THSD7B: variants seen among roughly 807,000 people sequenced by gnomAD.
The protein encoded by THSD7B is thrombospondin type-1 domain-containing protein 7B.
A neutral mutation model predicts 213.6 loss-of-function variants in THSD7B; 138 were observed. The ratio of observed to expected loss-of-function variants is 0.65; its 90% CI spans 0.56 to 0.74. THSD7B has a LOEUF of 0.74. Among genes scored for constraint, THSD7B ranks in the 30% least tolerant of loss-of-function variants. The pLI is 0.00. For synonymous variants in THSD7B, 742 were observed against 687.0 expected, an observed-to-expected ratio of 1.08 and a Z score of -1.25; for missense variants, 1,931 against 1,991.5, an observed-to-expected ratio of 0.97 and a Z score of 0.58.
chr2:137,092,056 C>T (rs1158934968), intron 3 of THSD7B, among the ~76,000 whole-genome samples: 3 of 152,086 alleles, frequency 2.0e-5, no homozygotes, highest in Non-Finnish European at 4.4e-5. Context: ...TTGAATTGAA[C>T]AGTAACAATG....
chr2:137,358,175 C>T (rs2104930521), intron 12 of THSD7B, among the ~76,000 whole-genome samples: 1 of 152,254 alleles, frequency 6.6e-6, no homozygotes, highest in Middle Eastern at 3.4e-3. Flanking sequence ...GAAGACTAGT[C>T]AGTTTTGTTT....
intron 2 of THSD7B, among the ~76,000 whole-genome samples, chr2:136,922,705 A>C (rs2105036369): frequency 6.6e-6 from 1 of 152,302 alleles, no homozygotes; most frequent in Admixed American, 6.5e-5. Flanking sequence ...ATTTCTCTAA[A>C]ATAAAACCCC....
intron 10 of THSD7B, among the ~76,000 whole-genome samples, chr2:137,270,356 T>G (rs1195343226): frequency 6.6e-6 from 1 of 152,080 alleles, no homozygotes; most frequent in Non-Finnish European, 1.5e-5. Context: ...AGAGGGAATC[T>G]AGGGGGAACA....
chr2:136,965,224 G>C (rs1181077834), intron 2 of THSD7B, among the ~76,000 whole-genome samples: 1 of 152,126 alleles, frequency 6.6e-6, no homozygotes, highest in African/African-American at 2.4e-5. Flanking sequence ...TTGGTTTTCA[G>C]AACATTCTCT....
chr2:137,668,656 TC>T (rs1321180809), intron 27 of THSD7B, among the ~76,000 whole-genome samples: 1 of 151,962 alleles, frequency 6.6e-6, no homozygotes, highest in Non-Finnish European at 1.5e-5. Context: ...AATTTATGAC[TC>T]CCCCAAAACC....
intron 15 of THSD7B, among the ~76,000 whole-genome samples, chr2:137,534,013 T>C (rs867097711): frequency 0.029 from 4,168 of 146,206 alleles, 101 homozygotes; most frequent in Admixed American, 0.075. Context: ...TGTGTGTGTG[T>C]GCGCGCACAC....
chr2:137,555,018 G>A (rs1210357167), intron 15 of THSD7B, among the ~76,000 whole-genome samples: 2 of 152,190 alleles, frequency 1.3e-5, no homozygotes, highest in Non-Finnish European at 2.9e-5. Context: ...CATTGTTGAG[G>A]CTTGAGTAGG....
At chr2:137,075,479 C>G (rs1379557820) in intron 3 of THSD7B, among the ~76,000 whole-genome samples, 2 of 152,098 alleles carry the variant, frequency 1.3e-5, no homozygotes, top group East Asian at 3.8e-4. Context: ...TTCTAGTTAT[C>G]CATTCATCTA....
chr2:136,798,944 C>T (rs545903065), intron 1 of THSD7B, among the ~76,000 whole-genome samples: 12 of 152,150 alleles, frequency 7.9e-5, no homozygotes, highest in African/African-American at 2.6e-4. Context: ...CCCAGAGATT[C>T]CCTTGCCAAT....
chr2:137,223,760 T>A (rs1681429960), intron 7 of THSD7B, among the ~76,000 whole-genome samples: 1 of 152,186 alleles, frequency 6.6e-6, no homozygotes, highest in Admixed American at 6.5e-5. Flanking sequence ...CCAAATCTCA[T>A]GTTGAATTGT....
At chr2:137,440,250 T>A (rs189078896) in intron 14 of THSD7B, among the ~76,000 whole-genome samples, 16 of 152,294 alleles carry the variant, frequency 1.1e-4, no homozygotes, top group African/African-American at 3.8e-4. Flanking sequence ...TTTTAAAGAC[T>A]GCCTTTTTCA....
chr2:137,514,639 C>T (rs186756714), intron 15 of THSD7B, among the ~76,000 whole-genome samples: 30 of 152,116 alleles, frequency 2.0e-4, no homozygotes, highest in Non-Finnish European at 3.4e-4. Flanking sequence ...AGACAAAGTT[C>T]TTTTGTTGAT....
chr2:137,640,408 T>C lies in THSD7B; in HGVS notation c.3800-2080T>C, dbSNP rs140930400. 1.7e-3 allele frequency among the ~76,000 whole-genome samples: 261 copies of C among 152,270 alleles called. 1 individual carries two copies. Among genetic ancestry groups the C allele is most frequent in the African/African-American group, 6.0e-3 (250 of 41,546 alleles). ...CTTGGGTGTGTCTTTATCAGCAGCA[T>C]GAAAATGAATTAATACAACCACCAT... On this transcript the variant is annotated intron_variant, in intron 20 of 27. Coordinates refer to ENST00000409968, the MANE Select transcript of THSD7B (RefSeq NM_001316349.2).
chr2:137,418,101 G>T (rs1231835143), intron 14 of THSD7B, among the ~76,000 whole-genome samples: 1 of 152,148 alleles, frequency 6.6e-6, no homozygotes, highest in Non-Finnish European at 1.5e-5. Context: ...ACTTTTGTTT[G>T]TTTTAACATG....
rs1681633874 is a variant in THSD7B at position 137,231,238 on chromosome 2, GAGTAACAGAAA to G, written c.1915+6_1915+16del. 2 of 1,599,836 alleles carry G rather than the reference GAGTAACAGAAA, an allele frequency of 1.3e-6. No individual in the cohort carries two copies. The highest frequency in any genetic ancestry group is 2.7e-5 in the African/African-American group (2 of 74,696). On this transcript the variant is annotated splice_donor_5th_base_variant and intron_variant, in intron 8 of 27. Coordinates refer to ENST00000409968, the MANE Select transcript of THSD7B (RefSeq NM_001316349.2). ...TATCCTGGCACTGGCTGGGGAAGGTGAGTAACAGAAAAGGTTTTCACTTTGGATTCATTAGC... is the reference window on the plus strand; with the variant it reads ...TATCCTGGCACTGGCTGGGGAAGGTGAGGTTTTCACTTTGGATTCATTAGC...
At chr2:137,109,537 T>G (rs1688310467) in intron 4 of THSD7B, among the ~76,000 whole-genome samples, 1 of 152,206 alleles carries the variant, frequency 6.6e-6, no homozygotes, top group Non-Finnish European at 1.5e-5. Context: ...TTCCTGCAAC[T>G]AGACAGTCCC....
Position 137,663,584 on chromosome 2 carries a change from C to T in THSD7B, c.4651+9C>T. On this transcript the variant is annotated intron_variant, in intron 26 of 27. Transcript: ENST00000409968. ...TCAACCACTTGATCCAGGTGAGTTT[C>T]AGTTGTGAGTAAGAAATGAAAATTT... 1.3e-6 allele frequency: 2 copies of T among 1,591,990 alleles called. No individual in the cohort carries two copies. The highest frequency in any genetic ancestry group is 1.8e-5 in the Admixed American group (1 of 56,782).
At chr2:137,209,655 A>T (rs905271912) in intron 7 of THSD7B, among the ~76,000 whole-genome samples, 1 of 152,148 alleles carries the variant, frequency 6.6e-6, no homozygotes, top group Non-Finnish European at 1.5e-5. Flanking sequence ...GCCTAATAAT[A>T]GTCACTATAA....
intron 1 of THSD7B, among the ~76,000 whole-genome samples, chr2:136,766,107 C>A (rs1488618883): frequency 6.6e-6 from 1 of 152,212 alleles, no homozygotes; most frequent in Admixed American, 6.5e-5. Flanking sequence ...AGAGCCTCGG[C>A]GCCCAAAATC....
Sources: allele counts gnomAD v4.1 joint callset (sites outside exome capture counted in the v4.1 genomes callset), GRCh38; gene constraint gnomAD v4.1.1; transcripts MANE v1.5; gene names NCBI Gene and HGNC (gene_info 2026-07-23, HGNC 2026-07-21).